NEK6: variants seen among roughly 807,000 people sequenced by gnomAD.
NEK6 encodes serine/threonine-protein kinase Nek6.
A neutral mutation model predicts 43.5 loss-of-function variants in NEK6; 27 were observed. The observed-to-expected ratio is 0.62, with a 90% CI of 0.46 to 0.86. The LOEUF is 0.86. NEK6 is among the 40% of genes least tolerant of loss of function. The pLI is 0.00. For missense variants in NEK6, 318 were observed against 414.4 expected, an observed-to-expected ratio of 0.77 and a Z score of 2.02; for synonymous variants, 167 against 164.1, an observed-to-expected ratio of 1.02 and a Z score of -0.14.
chr9:124,299,228 C>G (rs1301970218), intron 1 of NEK6, among the ~76,000 whole-genome samples: 3 of 152,080 alleles, frequency 2.0e-5, no homozygotes, highest in African/African-American at 7.2e-5. Context: ...AAGGCTGGTG[C>G]CTTCTGAGAT....
chr9:124,261,198 G>A (rs188166860), intron 1 of NEK6: 1 of 163,862 alleles, frequency 6.1e-6, no homozygotes, highest in African/African-American at 2.4e-5. Flanking sequence ...GGTTGCCCGA[G>A]ACCTGGGAGA....
At chr9:124,348,022 G>C (rs541341662) in intron 9 of NEK6, among the ~76,000 whole-genome samples, 200 bp downstream of exon 9, 4 of 152,370 alleles carry the variant, frequency 2.6e-5, no homozygotes, top group African/African-American at 9.6e-5. Flanking sequence ...CGCAGCTCCA[G>C]TGTGGGACCC....
chr9:124,280,912 C>G (rs1441359710), intron 1 of NEK6, among the ~76,000 whole-genome samples: 1 of 152,170 alleles, frequency 6.6e-6, no homozygotes, highest in Non-Finnish European at 1.5e-5. Flanking sequence ...CCCACCTCAG[C>G]CTCCCAAGCA....
intron 1 of NEK6, among the ~76,000 whole-genome samples, chr9:124,287,363 A>C (rs1832212993): frequency 6.6e-6 from 1 of 152,202 alleles, no homozygotes; most frequent in South Asian, 2.1e-4. Context: ...CACGGGGCCG[A>C]GCCCCACCTT....
intron 1 of NEK6, among the ~76,000 whole-genome samples, chr9:124,277,957 T>C (rs1237034475): frequency 6.6e-6 from 1 of 152,212 alleles, no homozygotes; most frequent in African/African-American, 2.4e-5. Flanking sequence ...AAGTCCAAAG[T>C]GAAGCTGTGA....
intron 1 of NEK6, chr9:124,292,551 A>G: frequency 6.5e-7 from 1 of 1,536,788 alleles, no homozygotes; most frequent in African/African-American, 1.4e-5. Context: ...TGAGTTTTTT[A>G]CAAACACCGA....
At chr9:124,291,512 A>G (rs947549985) in intron 1 of NEK6, among the ~76,000 whole-genome samples, 3 of 152,046 alleles carry the variant, frequency 2.0e-5, no homozygotes, top group African/African-American at 7.2e-5. Context: ...TGTAATCCCA[A>G]CTGCTTGGGA....
Position 124,322,149 on chromosome 9 carries a change from C to G in NEK6, c.405+580C>G, listed in dbSNP as rs190015028. Among the ~76,000 whole-genome samples, 879 of 152,288 alleles carry G rather than the reference C, an allele frequency of 5.8e-3. 3 individuals carry two copies. Among genetic ancestry groups the G allele is most frequent in the Non-Finnish European group, 9.6e-3 (651 of 68,014 alleles). Reference sequence around the variant, plus strand: ...CTGTGGCCCAGGTCTCTTTTCCTGGCCTGGGACCCTTTGGTGGACATGGTC... The same window carrying G: ...CTGTGGCCCAGGTCTCTTTTCCTGGGCTGGGACCCTTTGGTGGACATGGTC... On this transcript the variant is annotated intron_variant, in intron 5 of 9. Transcript: ENST00000320246.
intron 7 of NEK6, among the ~76,000 whole-genome samples, chr9:124,331,191 G>T (rs186870507): frequency 1.3e-4 from 19 of 150,636 alleles, no homozygotes; most frequent in African/African-American, 4.6e-4. Flanking sequence ...GCTTGAACCC[G>T]GCAGGTGAAG....
intron 1 of NEK6, among the ~76,000 whole-genome samples, chr9:124,270,661 G>A (rs1831403278): frequency 6.6e-6 from 1 of 152,274 alleles, no homozygotes; most frequent in Admixed American, 6.5e-5. Flanking sequence ...ACAGGTGTGG[G>A]CACACCTGCC....
At position 124,321,581 on chromosome 9, in the gene NEK6, G is replaced by A. The variant is rs373762311; in HGVS notation, c.405+12G>A. ...CGCAGATGATCAAGGTGAGCGCCTG[G>A]CGGGGTGGGGGTGCTGGGGGCTGCG... On this transcript the variant is annotated intron_variant, in intron 5 of 9. Coordinates refer to ENST00000320246, the MANE Select transcript of NEK6 (RefSeq NM_014397.6). 1.5e-5 allele frequency: 23 copies of A among 1,559,094 alleles called. No individual in the cohort carries two copies. The highest frequency in any genetic ancestry group is 1.9e-5 in the Non-Finnish European group (21 of 1,130,182).
intron 2 of NEK6, among the ~76,000 whole-genome samples, chr9:124,302,788 G>T (rs1297797624): frequency 6.6e-6 from 1 of 152,242 alleles, no homozygotes; most frequent in Admixed American, 6.5e-5. Context: ...CCTGGGTGAT[G>T]CCCGTGATCA....
chr9:124,297,514 G>T (rs1203828547), intron 1 of NEK6, among the ~76,000 whole-genome samples: 1 of 152,214 alleles, frequency 6.6e-6, no homozygotes, highest in African/African-American at 2.4e-5. Context: ...GTCCCTCGGT[G>T]CCTGGGGACA....
At chr9:124,288,319 T>A (rs1832251411) in intron 1 of NEK6, among the ~76,000 whole-genome samples, 1 of 151,992 alleles carries the variant, frequency 6.6e-6, no homozygotes, top group South Asian at 2.1e-4. Context: ...CAGGCTGGAG[T>A]GCAGTGGCGC....
At chr9:124,298,602 C>T (rs1175546947) in intron 1 of NEK6, among the ~76,000 whole-genome samples, 1 of 152,004 alleles carries the variant, frequency 6.6e-6, no homozygotes, top group Non-Finnish European at 1.5e-5. Context: ...GGAGAGAGGG[C>T]CCATTCGGGG....
chr9:124,281,011 GA>G (rs1181842183), intron 1 of NEK6, among the ~76,000 whole-genome samples: 2 of 152,074 alleles, frequency 1.3e-5, no homozygotes, highest in Non-Finnish European at 2.9e-5. Context: ...GGCTGGTCTC[GA>G]ACTCCTGACC....
At chr9:124,306,632 AT>A (rs1327980008) in intron 2 of NEK6, among the ~76,000 whole-genome samples, 1 of 152,174 alleles carries the variant, frequency 6.6e-6, no homozygotes, top group Non-Finnish European at 1.5e-5. Context: ...CAGAGTTGGG[AT>A]TGGGTCCAGG....
At chr9:124,268,289 G>T (rs1831301542) in intron 1 of NEK6, among the ~76,000 whole-genome samples, 1 of 152,158 alleles carries the variant, frequency 6.6e-6, no homozygotes, top group Non-Finnish European at 1.5e-5. Context: ...TAATTAAGTG[G>T]TTTATCTGGT....
intron 7 of NEK6, 112 bp from the exon 8 acceptor site, chr9:124,339,459 C>T (rs1476119614): frequency 2.6e-6 from 2 of 757,420 alleles, no homozygotes; most frequent in Non-Finnish European, 4.7e-6. Context: ...TGCTCAGAGA[C>T]CGAGGCACAA....
Sources: allele counts gnomAD v4.1 joint callset (sites outside exome capture counted in the v4.1 genomes callset), GRCh38; gene constraint gnomAD v4.1.1; transcripts MANE v1.5; gene names NCBI Gene and HGNC (gene_info 2026-07-23, HGNC 2026-07-21).